Variants in ESRRG observed in about 807,000 individuals in gnomAD.
ESRRG encodes the protein estrogen-related receptor gamma.
ESRRG carries 13 observed loss-of-function variants against 44.0 expected under a neutral mutation model. The ratio of observed to expected loss-of-function variants is 0.30; its 90% CI spans 0.19 to 0.47. ESRRG has a LOEUF of 0.47. ESRRG is among the 20% of genes least tolerant of loss of function. The pLI, the probability that ESRRG is intolerant of heterozygous loss-of-function variation, is 1.00. For synonymous variants in ESRRG, 215 were observed against 214.6 expected, an observed-to-expected ratio of 1.00 and a Z score of -0.02; for missense variants, 395 against 580.6, an observed-to-expected ratio of 0.68 and a Z score of 3.29.
chr1:216,783,918 G>A (rs367840043), intron 2 of ESRRG, among the ~76,000 whole-genome samples: 2 of 152,034 alleles, frequency 1.3e-5, no homozygotes, highest in African/African-American at 4.8e-5. Flanking sequence ...TACTGTTGTG[G>A]TTTCAAAATC....
chr1:216,975,801 T>C (rs1217696155), intron 1 of ESRRG, among the ~76,000 whole-genome samples: 2 of 152,194 alleles, frequency 1.3e-5, no homozygotes, highest in Non-Finnish European at 1.5e-5. Flanking sequence ...CTTTTGTCAA[T>C]GGGAAAGAAC....
rs529667799 is a variant in ESRRG at position 216,855,771 on chromosome 1, G to A, written c.-14+83811C>T. ...ATAAATGCAGCTGCAAAGATCCTGC[G>A]GCTGCCGCATCTGCACGACACGCCT... On this transcript the variant is annotated intron_variant, in intron 2 of 7. Coordinates refer to the ESRRG transcript ENST00000359162. 4.6e-5 allele frequency among the ~76,000 whole-genome samples: 7 copies of A among 152,082 alleles called. No individual in the cohort carries two copies. The East Asian group carries it at 7.7e-4, about 17-fold the overall frequency.
chr1:217,096,778 G>A (rs2092430689), intron 1 of ESRRG, among the ~76,000 whole-genome samples: 1 of 152,084 alleles, frequency 6.6e-6, no homozygotes, highest in African/African-American at 2.4e-5. Context: ...TAATATGACT[G>A]TCTTTGCTGC....
intron 3 of ESRRG, among the ~76,000 whole-genome samples, chr1:216,611,524 C>A (rs1253509887): frequency 1.3e-5 from 2 of 152,098 alleles, no homozygotes; most frequent in Non-Finnish European, 2.9e-5. Flanking sequence ...TTCAAATAAG[C>A]CTTCAAAGAA....
At chr1:216,751,794 T>G (rs1259930196) in intron 2 of ESRRG, among the ~76,000 whole-genome samples, 8 of 151,646 alleles carry the variant, frequency 5.3e-5, no homozygotes, top group Non-Finnish European at 8.8e-5. Flanking sequence ...TGTTTTAGAC[T>G]GTTTATCGTA....
intron 1 of ESRRG, among the ~76,000 whole-genome samples, chr1:216,686,536 C>T (rs2078013488): frequency 6.6e-6 from 1 of 151,292 alleles, no homozygotes; most frequent in African/African-American, 2.4e-5. Context: ...GAGTTCAAAT[C>T]AGGACCTGCT....
intron 1 of ESRRG, among the ~76,000 whole-genome samples, chr1:217,088,297 G>A (rs2092209381): frequency 1.3e-5 from 2 of 151,048 alleles, no homozygotes; most frequent in South Asian, 4.2e-4. Flanking sequence ...TCTTGATCTT[G>A]ACTTAAAGTA....
intron 1 of ESRRG, among the ~76,000 whole-genome samples, chr1:217,107,970 A>C (rs2092617863): frequency 6.6e-6 from 1 of 152,130 alleles, no homozygotes; most frequent in Non-Finnish European, 1.5e-5. Context: ...CTCTATTTAA[A>C]GCATGTCATT....
intron 5 of ESRRG, among the ~76,000 whole-genome samples, chr1:216,536,049 A>G (rs1453257208): frequency 6.6e-6 from 1 of 151,864 alleles, no homozygotes; most frequent in East Asian, 1.9e-4. Flanking sequence ...CCCCTCTCTT[A>G]CTTCCTGAAG....
At chr1:217,046,963 G>A (rs1404674661) in intron 1 of ESRRG, among the ~76,000 whole-genome samples, 1 of 152,100 alleles carries the variant, frequency 6.6e-6, no homozygotes, top group Non-Finnish European at 1.5e-5. Context: ...GGTAAGATTT[G>A]TTGTAAGCTG....
intron 2 of ESRRG, among the ~76,000 whole-genome samples, chr1:216,811,117 T>C (rs2094955227): frequency 6.6e-6 from 1 of 152,154 alleles, no homozygotes; most frequent in African/African-American, 2.4e-5. Flanking sequence ...GAATGTGAAT[T>C]CTACAAAGAT....
At chr1:216,783,816 C>T (rs1282471219) in intron 2 of ESRRG, among the ~76,000 whole-genome samples, 2 of 152,046 alleles carry the variant, frequency 1.3e-5, no homozygotes, top group South Asian at 2.1e-4. Context: ...ACTCTTCCGA[C>T]GTTTTCAAGG....
At chr1:216,849,324 A>G (rs527793248) in intron 2 of ESRRG, among the ~76,000 whole-genome samples, 2 of 152,258 alleles carry the variant, frequency 1.3e-5, no homozygotes, top group South Asian at 4.1e-4. Context: ...AACTAGCCAG[A>G]CAACTGACTC....
At chr1:216,516,281 A>C (rs1349286469) in intron 6 of ESRRG, among the ~76,000 whole-genome samples, 2 of 152,176 alleles carry the variant, frequency 1.3e-5, no homozygotes, top group African/African-American at 4.8e-5. Context: ...GAATTATAAC[A>C]GTTCATGACA....
At chr1:217,053,133 T>TAAAAAAAAA (rs71303007) in intron 1 of ESRRG, among the ~76,000 whole-genome samples, 10 of 119,018 alleles carry the variant, frequency 8.4e-5, no homozygotes, top group African/African-American at 1.3e-4. Flanking sequence ...AATCCCATCT[T>TAAAAAAAAA]AAAAAAAAAA....
chr1:216,636,204 T>A (rs2065263620), intron 3 of ESRRG, among the ~76,000 whole-genome samples: 1 of 152,210 alleles, frequency 6.6e-6, no homozygotes, highest in African/African-American at 2.4e-5. Context: ...TGGAATAATG[T>A]GTTTACAATA....
chr1:217,006,247 C>T (rs983570273), intron 1 of ESRRG, among the ~76,000 whole-genome samples: 1 of 151,980 alleles, frequency 6.6e-6, no homozygotes, highest in African/African-American at 2.4e-5. Flanking sequence ...TAAAATGTAA[C>T]TGAATAATAT....
chr1:216,559,905 T>C (rs1000420122), intron 5 of ESRRG, among the ~76,000 whole-genome samples: 5 of 152,210 alleles, frequency 3.3e-5, no homozygotes, highest in African/African-American at 1.2e-4. Context: ...CCAAAGTTTA[T>C]ACCCTAAATG....
chr1:216,911,467 A>G (rs1001121488), intron 2 of ESRRG, among the ~76,000 whole-genome samples: 1 of 152,200 alleles, frequency 6.6e-6, no homozygotes, highest in Non-Finnish European at 1.5e-5. Context: ...GGTGCAACAC[A>G]AAGGATATTT....
Sources: allele counts gnomAD v4.1 joint callset (sites outside exome capture counted in the v4.1 genomes callset), GRCh38; gene constraint gnomAD v4.1.1; transcripts MANE v1.5; gene names NCBI Gene and HGNC (gene_info 2026-07-23, HGNC 2026-07-21).